The following CPS1 variants were observed in gnomAD, a reference collection of about 807,000 sequenced individuals.
The protein encoded by CPS1 is carbamoyl-phosphate synthase 1.
CPS1 carries 109 observed loss-of-function variants against 174.6 expected under a neutral mutation model. The observed-to-expected ratio is 0.62, with a 90% CI of 0.53 to 0.73. CPS1 has a LOEUF of 0.73. Ranked by LOEUF, CPS1 falls within the 30% of genes least tolerant of loss-of-function variation. The pLI, the probability that CPS1 is intolerant of heterozygous loss-of-function variation, is 0.00. For synonymous variants in CPS1, 637 were observed against 632.0 expected (o/e 1.01, Z -0.12); for missense variants, 1,689 against 1,821.9 (o/e 0.93, Z 1.33).
intron 35 of CPS1, among the ~76,000 whole-genome samples, chr2:210,675,249 T>A (rs1701486956): frequency 6.6e-6 from 1 of 152,224 alleles, no homozygotes; most frequent in Admixed American, 6.5e-5. Context: ...TTTTTCCTTT[T>A]TTTGTTTTCA....
intron 1 of CPS1, among the ~76,000 whole-genome samples, chr2:210,507,046 A>G (rs200700370): frequency 6.6e-6 from 1 of 152,178 alleles, no homozygotes; most frequent in Non-Finnish European, 1.5e-5. Flanking sequence ...GATACTCCTC[A>G]AGAAGAGCAA....
chr2:210,653,815 G>T (rs772246107), intron 28 of CPS1, among the ~76,000 whole-genome samples: 1 of 152,158 alleles, frequency 6.6e-6, no homozygotes, highest in Non-Finnish European at 1.5e-5. Context: ...AGCACTCAAA[G>T]TTGGAGAAAG....
At chr2:210,577,589 A>G in intron 4 of CPS1, 79 bp downstream of exon 4, 3 of 996,476 alleles carry the variant, frequency 3.0e-6, no homozygotes, top group Non-Finnish European at 4.9e-6. Context: ...TGCCAAGCAG[A>G]CAGAGGAAGA....
intron 1 of CPS1, among the ~76,000 whole-genome samples, chr2:210,483,196 G>T (rs1694623080): frequency 6.9e-6 from 1 of 145,462 alleles, no homozygotes; most frequent in Non-Finnish European, 1.6e-5. Flanking sequence ...GAGGCATGCT[G>T]TCGCTCTGTG....
intron 1 of CPS1, among the ~76,000 whole-genome samples, chr2:210,485,105 C>A (rs1370823010): frequency 6.6e-6 from 1 of 151,906 alleles, no homozygotes; most frequent in Non-Finnish European, 1.5e-5. Context: ...GTGGCAGGCA[C>A]CTGTAGTCCC....
chr2:210,573,095 A>T (rs1226394969), intron 1 of CPS1, among the ~76,000 whole-genome samples: 1 of 152,104 alleles, frequency 6.6e-6, no homozygotes, highest in East Asian at 1.9e-4. Context: ...CCAAGAAAAC[A>T]AAACAAAACA....
intron 14 of CPS1, among the ~76,000 whole-genome samples, chr2:210,599,900 T>C (rs1390260097): frequency 6.6e-6 from 1 of 151,940 alleles, no homozygotes; most frequent in African/African-American, 2.4e-5. Flanking sequence ...GAATTAACAT[T>C]GGTTAAGTGC....
Position 210,589,386 on chromosome 2 carries a change from C to T in CPS1, c.712-720C>T, listed in dbSNP as rs539985735. Reference sequence around the variant, plus strand: ...AAAAGAAATTTCTAAGTTTTCCATTCGAATATAAATCTTACAGAAAATGAG... The same window carrying T: ...AAAAGAAATTTCTAAGTTTTCCATTTGAATATAAATCTTACAGAAAATGAG... On this transcript the variant is annotated intron_variant, in intron 7 of 37. Transcript: ENST00000233072. Among the ~76,000 whole-genome samples the T allele has an allele frequency of 1.1e-4, 16 of 151,972 alleles. No individual in the cohort carries two copies. The South Asian group carries it at 1.2e-3, about 12-fold the overall frequency.
chr2:210,571,209 A>G (rs1226297723), intron 1 of CPS1, among the ~76,000 whole-genome samples: 26 of 151,950 alleles, frequency 1.7e-4, no homozygotes, highest in Non-Finnish European at 1.3e-4. Flanking sequence ...AAATTTAGTG[A>G]AGACAAACTC....
chr2:210,614,989 A>C (rs1443497681), intron 20 of CPS1, among the ~76,000 whole-genome samples: 1 of 151,920 alleles, frequency 6.6e-6, no homozygotes, highest in Admixed American at 6.6e-5. Context: ...CCTATGTAAC[A>C]AACCTGCACG....
chr2:210,605,050 T>G, intron 16 of CPS1, 52 bp from the exon 17 acceptor site: 1 of 1,607,008 alleles, frequency 6.2e-7, no homozygotes, highest in Non-Finnish European at 8.5e-7. Flanking sequence ...ATATCCTTGT[T>G]GAAGCCAGTG....
chr2:210,625,244 G>T (rs1699663191), intron 21 of CPS1, among the ~76,000 whole-genome samples: 1 of 151,934 alleles, frequency 6.6e-6, no homozygotes, highest in African/African-American at 2.4e-5. Flanking sequence ...TATGTGTAAG[G>T]CTTTGTGCTA....
At chr2:210,630,592 A>G (rs1455297829) in intron 21 of CPS1, among the ~76,000 whole-genome samples, 1 of 152,236 alleles carries the variant, frequency 6.6e-6, no homozygotes, top group Non-Finnish European at 1.5e-5. Flanking sequence ...TACAAGAAAT[A>G]TAAAGATTCA....
chr2:210,490,248 G>T (rs989301027), intron 1 of CPS1, among the ~76,000 whole-genome samples: 3 of 152,084 alleles, frequency 2.0e-5, no homozygotes, highest in Non-Finnish European at 4.4e-5. Context: ...AAAATTATGG[G>T]GAGATATATA....
At chr2:210,592,050 T>C (rs940897360) in intron 10 of CPS1, 81 bp downstream of exon 10, 6 of 1,448,736 alleles carry the variant, frequency 4.1e-6, no homozygotes, top group Admixed American at 2.0e-5. Context: ...AAGCATTGTA[T>C]ATATTTATGA....
intron 1 of CPS1, among the ~76,000 whole-genome samples, chr2:210,528,322 T>C (rs528824030): frequency 6.6e-6 from 1 of 152,072 alleles, no homozygotes; most frequent in East Asian, 1.9e-4. Context: ...CTATAAAAAT[T>C]GTTTTTACAC....
At chr2:210,612,497 T>A (rs1457202208) in intron 20 of CPS1, among the ~76,000 whole-genome samples, 2 of 151,976 alleles carry the variant, frequency 1.3e-5, no homozygotes, top group Non-Finnish European at 2.9e-5. Flanking sequence ...CATTTTTATT[T>A]GACTTTAAGC....
intron 1 of CPS1, among the ~76,000 whole-genome samples, chr2:210,482,362 A>G (rs975959665): frequency 6.6e-6 from 1 of 150,740 alleles, no homozygotes; most frequent in Non-Finnish European, 1.5e-5. Flanking sequence ...GCTGGAGTGC[A>G]ATGGTGCGAT....
At chr2:210,538,437 T>C (rs1176175875) in intron 1 of CPS1, among the ~76,000 whole-genome samples, 1 of 152,196 alleles carries the variant, frequency 6.6e-6, no homozygotes, top group South Asian at 2.1e-4. Flanking sequence ...TTGTATTAGC[T>C]AAACTTATTT....
Sources: allele counts gnomAD v4.1 joint callset (sites outside exome capture counted in the v4.1 genomes callset), GRCh38; gene constraint gnomAD v4.1.1; transcripts MANE v1.5; gene names NCBI Gene and HGNC (gene_info 2026-07-23, HGNC 2026-07-21).